LIN28B: variants seen among roughly 807,000 people sequenced by gnomAD.
LIN28B encodes lin-28 RNA binding posttranscriptional regulator B.
Under a neutral mutation model 21.9 loss-of-function variants are expected in LIN28B, and 5 were observed. The ratio of observed to expected loss-of-function variants is 0.23; its 90% CI spans 0.12 to 0.48. The LOEUF (loss-of-function observed/expected upper bound fraction) is 0.48. LIN28B is among the 20% of genes least tolerant of loss of function. The pLI, the probability that LIN28B is intolerant of heterozygous loss-of-function variation, is 0.98. For missense variants in LIN28B, 245 were observed against 310.5 expected (o/e 0.79, Z 1.58); for synonymous variants, 109 against 111.3 (o/e 0.98, Z 0.13).
At chr6:105,060,150 G>C (rs980660723) in intron 3 of LIN28B, among the ~76,000 whole-genome samples, 2 of 152,190 alleles carry the variant, frequency 1.3e-5, no homozygotes, top group Admixed American at 6.5e-5. Flanking sequence ...TGATCCGCCT[G>C]CCTTGGCCTC....
intron 2 of LIN28B, among the ~76,000 whole-genome samples, chr6:105,020,979 T>G (rs749676866): frequency 7.2e-5 from 11 of 151,894 alleles, no homozygotes; most frequent in African/African-American, 2.7e-4. Flanking sequence ...ATGGTCTTGA[T>G]TTCCTGACCT....
chr6:104,950,649 C>T (rs925604717), intron 3 of LIN28B: 1 of 430,522 alleles, frequency 2.3e-6, no homozygotes, highest in Admixed American at 4.4e-5. Context: ...ACCAAGTCCT[C>T]CTATACTTCG....
intron 2 of LIN28B, among the ~76,000 whole-genome samples, chr6:104,980,406 T>C (rs1159559965): frequency 6.6e-6 from 1 of 152,120 alleles, no homozygotes; most frequent in Non-Finnish European, 1.5e-5. Flanking sequence ...TGTTAAAACG[T>C]AGGTGTTAAC....
chr6:105,027,386 T>G (rs1771308161), intron 3 of LIN28B, among the ~76,000 whole-genome samples: 1 of 152,088 alleles, frequency 6.6e-6, no homozygotes, highest in South Asian at 2.1e-4. Context: ...TTTTTTCACA[T>G]TATTTGATTA....
At chr6:105,026,069 AT>A (rs1383520118) in intron 2 of LIN28B, among the ~76,000 whole-genome samples, 1 of 152,168 alleles carries the variant, frequency 6.6e-6, no homozygotes, top group South Asian at 2.1e-4. Flanking sequence ...GAATATGCAC[AT>A]TTTAATTTTT....
At position 105,023,958 on chromosome 6, in the gene LIN28B, T is replaced by G. The variant is rs984824211; in HGVS notation, c.199-2340T>G. Among the ~76,000 whole-genome samples, 10 of 151,562 alleles carry G rather than the reference T, an allele frequency of 6.6e-5. No homozygotes were observed. In the South Asian group the frequency reaches 1.9e-3, roughly 28 times the overall value. Reference sequence around the variant, plus strand: ...AGTGCACTTAAGAGCTATGAGGAGTTAAGTGATAGAGTTTTGTTTGTTTGT... The same window carrying G: ...AGTGCACTTAAGAGCTATGAGGAGTGAAGTGATAGAGTTTTGTTTGTTTGT... On this transcript the variant is annotated intron_variant, in intron 2 of 3. Coordinates refer to ENST00000345080, the MANE Select transcript of LIN28B (RefSeq NM_001004317.4).
chr6:105,014,797 C>A (rs1379848912), intron 2 of LIN28B, among the ~76,000 whole-genome samples: 1 of 151,824 alleles, frequency 6.6e-6, no homozygotes, highest in Non-Finnish European at 1.5e-5. Flanking sequence ...GTACTTAAAT[C>A]TAAATTTTCC....
chr6:105,021,913 C>T (rs1007759602), intron 2 of LIN28B, among the ~76,000 whole-genome samples: 17 of 151,812 alleles, frequency 1.1e-4, no homozygotes, highest in Non-Finnish European at 2.2e-4. Context: ...AGTACATCCC[C>T]GACTGGAATA....
chr6:104,937,278 C>T (rs1482425717), intron 2 of LIN28B, among the ~76,000 whole-genome samples: 2 of 151,732 alleles, frequency 1.3e-5, no homozygotes, highest in African/African-American at 2.4e-5. Context: ...CAACCGCGGG[C>T]GCGCGCCACC....
intron 2 of LIN28B, among the ~76,000 whole-genome samples, chr6:105,016,003 T>C (rs1288865566): frequency 6.6e-6 from 1 of 152,168 alleles, no homozygotes; most frequent in African/African-American, 2.4e-5. Flanking sequence ...TCAGAGATAT[T>C]TTTATAAGTA....
At chr6:105,009,456 G>T (rs936171321) in intron 2 of LIN28B, among the ~76,000 whole-genome samples, 4 of 152,038 alleles carry the variant, frequency 2.6e-5, no homozygotes, top group Non-Finnish European at 5.9e-5. Context: ...GGGGTTTTTT[G>T]GGGGGGAGGC....
intron 2 of LIN28B, among the ~76,000 whole-genome samples, chr6:104,962,063 A>AT (rs766624543): frequency 1.5e-4 from 23 of 152,228 alleles, no homozygotes; most frequent in Non-Finnish European, 2.9e-4. Flanking sequence ...TGAAATGATC[A>AT]TTTGAATTTG....
Position 105,003,967 on chromosome 6 carries a change from A to G in LIN28B, c.199-22331A>G, listed in dbSNP as rs182808168. On this transcript the variant is annotated intron_variant, in intron 2 of 3. Transcript: ENST00000345080. The stretch of plus-strand genomic sequence containing the variant: ...ATAAAGGGGAGTTTATTAAGTATTA[A>G]ATCACACAATCACAAGGTCCCACAA... Among the ~76,000 whole-genome samples, 381 of 152,308 alleles carry G rather than the reference A, an allele frequency of 2.5e-3. 8 individuals carry two copies. The highest frequency in any genetic ancestry group is 0.023 in the Admixed American group (353 of 15,284).
intron 2 of LIN28B, among the ~76,000 whole-genome samples, chr6:104,982,256 G>T (rs1446854005): frequency 1.3e-5 from 2 of 151,484 alleles, no homozygotes; most frequent in African/African-American, 4.9e-5. Context: ...AGAGGTTGCG[G>T]TGATCTGAGA....
intron 3 of LIN28B, among the ~76,000 whole-genome samples, chr6:105,048,193 A>T (rs1235834635): frequency 2.0e-5 from 3 of 152,244 alleles, no homozygotes; most frequent in African/African-American, 7.2e-5. Flanking sequence ...GATACGTCCC[A>T]TCAATACCTA....
chr6:104,950,336 G>A, intron 2 of LIN28B: 1 of 467,058 alleles, frequency 2.1e-6, no homozygotes, highest in Non-Finnish European at 3.4e-6. Flanking sequence ...GTAAAAAAAA[G>A]TTTACAGGTC....
At chr6:105,046,972 G>A (rs1039036996) in intron 3 of LIN28B, among the ~76,000 whole-genome samples, 4 of 152,114 alleles carry the variant, frequency 2.6e-5, no homozygotes, top group African/African-American at 7.2e-5. Context: ...TAGGTTGCCT[G>A]TTCACTCTGA....
chr6:105,076,017 A>C (rs991118371), intron 3 of LIN28B, among the ~76,000 whole-genome samples: 2 of 152,176 alleles, frequency 1.3e-5, no homozygotes, highest in Non-Finnish European at 2.9e-5. Flanking sequence ...AAAATATATT[A>C]TTATAAGTAA....
intron 2 of LIN28B, among the ~76,000 whole-genome samples, chr6:104,950,066 A>C (rs1778202818): frequency 6.6e-6 from 1 of 152,164 alleles, no homozygotes; most frequent in Non-Finnish European, 1.5e-5. Flanking sequence ...ATAGTCAAAG[A>C]AGTTAGTTCT....
Sources: gnomAD v4.1 joint callset for allele counts (sites outside exome capture counted in the v4.1 genomes callset) on GRCh38, gnomAD v4.1.1 for gene constraint, MANE v1.5 for transcripts, NCBI Gene and HGNC (gene_info 2026-07-23, HGNC 2026-07-21) for gene names.